CUBN: variants seen among roughly 807,000 people sequenced by gnomAD.
CUBN encodes the protein 460 kDa receptor.
In CUBN, 282 loss-of-function variants were observed where a neutral mutation model predicts 405.3. The ratio of observed to expected loss-of-function variants is 0.70; its 90% CI spans 0.63 to 0.77. The LOEUF is 0.77. Among genes scored for constraint, CUBN ranks in the 30% least tolerant of loss-of-function variants. The pLI is 0.00. For synonymous variants in CUBN, 1,684 were observed against 1,617.0 expected, an observed-to-expected ratio of 1.04 and a Z score of -0.99; for missense variants, 4,514 against 4,475.2, an observed-to-expected ratio of 1.01 and a Z score of -0.25.
intron 50 of CUBN, among the ~76,000 whole-genome samples, chr10:16,904,693 G>A (rs1045012797): frequency 3.3e-5 from 5 of 152,114 alleles, no homozygotes; most frequent in African/African-American, 9.7e-5. Flanking sequence ...TTTTTATTCT[G>A]TCAGATAAAC....
At chr10:16,888,376 T>A (rs1354561895) in intron 56 of CUBN, 41 bp downstream of exon 56, 1 of 1,514,302 alleles carries the variant, frequency 6.6e-7, no homozygotes, top group African/African-American at 1.4e-5. Flanking sequence ...ACAATTTTTG[T>A]TTGTCAATTA....
chr10:16,911,560 G>A (rs994277288), intron 48 of CUBN, among the ~76,000 whole-genome samples: 32 of 152,330 alleles, frequency 2.1e-4, no homozygotes, highest in African/African-American at 7.5e-4. Flanking sequence ...GGGATAGGGA[G>A]ATGACAAGTA....
chr10:17,057,385 T>C (rs945269751), intron 22 of CUBN, among the ~76,000 whole-genome samples: 5 of 152,088 alleles, frequency 3.3e-5, no homozygotes, highest in South Asian at 2.1e-4. Context: ...CATGGCGCTG[T>C]TGGGCATGTC....
chr10:16,849,040 G>C (rs965717023), intron 60 of CUBN, among the ~76,000 whole-genome samples: 1 of 152,000 alleles, frequency 6.6e-6, no homozygotes, highest in Non-Finnish European at 1.5e-5. Context: ...AATTAAACTG[G>C]AATTGACATT....
intron 31 of CUBN, 56 bp downstream of exon 31, chr10:16,982,428 G>T: frequency 1.4e-6 from 2 of 1,438,042 alleles, no homozygotes; most frequent in Middle Eastern, 2.1e-4. Context: ...TGCTTATATG[G>T]CAGTGTTTTG....
intron 59 of CUBN, among the ~76,000 whole-genome samples, chr10:16,858,319 T>G (rs543983166): frequency 1.3e-5 from 2 of 152,180 alleles, no homozygotes; most frequent in Non-Finnish European, 2.9e-5. Flanking sequence ...ATTTTTATTT[T>G]TATTTATTTA....
chr10:17,109,461 A>G (rs1836716171), intron 10 of CUBN, among the ~76,000 whole-genome samples, 179 bp downstream of exon 10: 1 of 152,238 alleles, frequency 6.6e-6, no homozygotes, highest in Admixed American at 6.5e-5. Flanking sequence ...ACCATTAAAG[A>G]GCATAGTTTA....
At chr10:16,902,238 CTA>C (rs551245954) in intron 51 of CUBN, among the ~76,000 whole-genome samples, 2,129 of 123,730 alleles carry the variant, frequency 0.017, 46 homozygotes, top group African/African-American at 0.06. Context: ...TATATATATA[CTA>C]TATATATTTG....
chr10:16,826,198 G>C (rs887799133), intron 66 of CUBN, among the ~76,000 whole-genome samples: 1 of 151,986 alleles, frequency 6.6e-6, no homozygotes, highest in Non-Finnish European at 1.5e-5. Context: ...TCCAAATCAG[G>C]GTTTGTGTTT....
In CUBN at chr10:16,824,939, A is replaced by C; in HGVS notation, c.*36T>G. ...CAGAGTGCTGTCCAGCGTGCTGCAG[A>C]GGGAAAGTGCTGAGTGAACACGAGT... On this transcript the variant is annotated 3_prime_UTR_variant, in exon 67 of 67. Coordinates refer to ENST00000377833, the MANE Select transcript of CUBN (RefSeq NM_001081.4). 1 of 1,448,782 alleles carries C rather than the reference A, an allele frequency of 6.9e-7. No homozygotes were observed. The allele number at this position is 1,448,782 out of a possible 1,614,324, so 89.7% of individuals were successfully genotyped here. A position where few individuals can be genotyped will look rare whatever the true frequency, so the allele number is the denominator to read the frequency against.
chr10:17,043,711 C>A, intron 26 of CUBN, 116 bp downstream of exon 26: 1 of 1,431,436 alleles, frequency 7.0e-7, no homozygotes. Context: ...AAGGCCCACT[C>A]TAGGCACTGA....
intron 39 of CUBN, among the ~76,000 whole-genome samples, chr10:16,935,495 A>G (rs1169870816): frequency 6.6e-6 from 1 of 152,040 alleles, no homozygotes; most frequent in Non-Finnish European, 1.5e-5. Context: ...ATTGTACCTC[A>G]TTTTCCTTTC....
rs72771367 is a variant in CUBN at position 16,834,828 on chromosome 10, G to C, written c.10362+186C>G. Among the ~76,000 whole-genome samples, 8,593 of 152,156 alleles carry C rather than the reference G, an allele frequency of 0.056. 269 individuals are homozygous for C. The highest frequency in any genetic ancestry group is 0.082 in the African/African-American group (3,420 of 41,482). On this transcript the variant is annotated intron_variant, in intron 64 of 66. Coordinates refer to ENST00000377833, the MANE Select transcript of CUBN (RefSeq NM_001081.4). Reference sequence around the variant, plus strand: ...ACTAGGAGTCTCCTGCGGGCCCTAAGGTTCCCAATTTCCGGTGTTTGGACT... The same window carrying C: ...ACTAGGAGTCTCCTGCGGGCCCTAACGTTCCCAATTTCCGGTGTTTGGACT...
intron 60 of CUBN, 35 bp downstream of exon 60, chr10:16,851,200 G>A (rs779493123): frequency 1.4e-5 from 21 of 1,498,954 alleles, no homozygotes; most frequent in Non-Finnish European, 1.9e-5. Flanking sequence ...AGTCTGGGAT[G>A]AATAGACTCT....
At chr10:16,928,025 G>C in intron 41 of CUBN, 132 bp downstream of exon 41, 12 of 990,368 alleles carry the variant, frequency 1.2e-5, no homozygotes, top group South Asian at 1.4e-5. Flanking sequence ...TCCAGAGCCT[G>C]GGCAGAGACC....
intron 50 of CUBN, among the ~76,000 whole-genome samples, chr10:16,904,646 T>C (rs1841506249): frequency 6.6e-6 from 1 of 152,248 alleles, no homozygotes; most frequent in South Asian, 2.1e-4. Flanking sequence ...GATGAACATG[T>C]ACAGAGCACC....
intron 60 of CUBN, among the ~76,000 whole-genome samples, chr10:16,847,328 T>A (rs1485847007): frequency 6.6e-6 from 1 of 151,844 alleles, no homozygotes; most frequent in East Asian, 1.9e-4. Flanking sequence ...GGCGGGCGCC[T>A]GTAGTCCCAG....
intron 58 of CUBN, among the ~76,000 whole-genome samples, chr10:16,873,691 C>T (rs1484717161): frequency 7.0e-6 from 1 of 142,688 alleles, no homozygotes; most frequent in Non-Finnish European, 1.5e-5. Context: ...CACTACACTC[C>T]AGCCTGGGTG....
chr10:16,905,398 A>G (rs1205170318), intron 50 of CUBN, among the ~76,000 whole-genome samples: 1 of 152,196 alleles, frequency 6.6e-6, no homozygotes, highest in Non-Finnish European at 1.5e-5. Flanking sequence ...CACGAAAACC[A>G]AGACAAATGA....
Sources: allele counts gnomAD v4.1 joint callset (sites outside exome capture counted in the v4.1 genomes callset), GRCh38; gene constraint gnomAD v4.1.1; transcripts MANE v1.5; gene names NCBI Gene and HGNC (gene_info 2026-07-23, HGNC 2026-07-21).